TCF12: variants seen among roughly 807,000 people sequenced by gnomAD.
TCF12 encodes transcription factor 12.
A neutral mutation model predicts 86.0 loss-of-function variants in TCF12; 45 were observed. That is an observed-to-expected ratio of 0.52 (90% CI 0.41 to 0.67). TCF12 has a LOEUF of 0.67. Among genes scored for constraint, TCF12 ranks in the 30% least tolerant of loss-of-function variants. TCF12 has a pLI of 0.00. For synonymous variants in TCF12, 330 were observed against 299.6 expected, an observed-to-expected ratio of 1.10 and a Z score of -1.05; for missense variants, 881 against 859.9, an observed-to-expected ratio of 1.02 and a Z score of -0.31.
Position 57,213,526 on chromosome 15 carries a change from G to T in TCF12, c.579+15701G>T, listed in dbSNP as rs144837910. ...TAACTTAATGTATAAGTTACTTACAGCTTTGGATTGCAGATTTTTGAAATG... is the reference window on the plus strand; with the variant it reads ...TAACTTAATGTATAAGTTACTTACATCTTTGGATTGCAGATTTTTGAAATG... On this transcript the variant is annotated intron_variant, in intron 8 of 20. Transcript: ENST00000333725. Among the ~76,000 whole-genome samples, 133 of 152,300 alleles carry T rather than the reference G, an allele frequency of 8.7e-4. 1 individual carries two copies. Among genetic ancestry groups the T allele is most frequent in the African/African-American group, 3.2e-3 (132 of 41,568 alleles).
intron 8 of TCF12, among the ~76,000 whole-genome samples, chr15:57,230,381 A>G (rs2059080088): frequency 6.6e-6 from 1 of 152,072 alleles, no homozygotes; most frequent in Non-Finnish European, 1.5e-5. Context: ...TTGTTTCAAT[A>G]GTTATGAGAA....
chr15:56,945,942 C>T (rs985891051), intron 3 of TCF12, among the ~76,000 whole-genome samples: 6 of 152,182 alleles, frequency 3.9e-5, no homozygotes, highest in Admixed American at 2.0e-4. Flanking sequence ...TGCCTTTTGC[C>T]GTAGTATGAT....
chr15:57,156,413 G>A (rs1392138841), intron 5 of TCF12, among the ~76,000 whole-genome samples: 6 of 152,214 alleles, frequency 3.9e-5, no homozygotes. Context: ...ATCAGAGACA[G>A]AAATAGATCC....
chr15:57,173,896 T>TG (rs1244856906), intron 6 of TCF12, among the ~76,000 whole-genome samples: 2 of 151,950 alleles, frequency 1.3e-5, no homozygotes, highest in South Asian at 4.2e-4. Context: ...TTAGTAGAGA[T>TG]GGGGTTTCAC....
At position 57,253,375 on chromosome 15, in the gene TCF12, T is replaced by G; in HGVS notation, c.1374T>G (p.Ser458Arg). 1 of 1,614,110 alleles carries G rather than the reference T, an allele frequency of 6.2e-7. No individual in the cohort carries two copies. The highest frequency in any genetic ancestry group is 8.5e-7 in the Non-Finnish European group (1 of 1,179,990). Residue 458 changes from serine (S) to arginine (R), a missense_variant, in exon 16 of 21, where the codon AGT (serine) becomes AGG (arginine). Around this residue, in one of 3 missense-constraint regions of TCF12, gnomAD observed 766 missense variants for 718.9 expected, o/e 1.07. Transcript: ENST00000333725. ...SLPAGHSDIH[S>R]LLGPSHNAPI... ...CTGCTGGTCACAGTGATATACATAG[T>G]TTATTGGGACCATCCCATAATGCAC...
intron 3 of TCF12, among the ~76,000 whole-genome samples, chr15:57,020,858 G>T (rs1329124270): frequency 6.6e-6 from 1 of 151,840 alleles, no homozygotes; most frequent in Non-Finnish European, 1.5e-5. Context: ...AAACTGAGGG[G>T]GTATGGATTA....
At chr15:57,048,452 G>A (rs139356493) in intron 3 of TCF12, among the ~76,000 whole-genome samples, 1,601 of 152,054 alleles carry the variant, frequency 0.011, 29 homozygotes, top group African/African-American at 0.036. Flanking sequence ...TAGTAGGGGC[G>A]GGGTTTCACC....
intron 5 of TCF12, among the ~76,000 whole-genome samples, chr15:57,116,488 G>A (rs1386936442): frequency 6.6e-6 from 1 of 152,082 alleles, no homozygotes; most frequent in Non-Finnish European, 1.5e-5. Context: ...TGGGACTACA[G>A]GCACATGCCA....
At chr15:57,152,657 A>G (rs987699495) in intron 5 of TCF12, among the ~76,000 whole-genome samples, 2 of 152,208 alleles carry the variant, frequency 1.3e-5, no homozygotes, top group African/African-American at 2.4e-5. Flanking sequence ...ACTAAAACAC[A>G]AAGAGAAAAA....
At chr15:57,156,742 G>A (rs1454447667) in intron 5 of TCF12, among the ~76,000 whole-genome samples, 1 of 152,072 alleles carries the variant, frequency 6.6e-6, no homozygotes, top group Non-Finnish European at 1.5e-5. Flanking sequence ...CTGGTCCCTG[G>A]GTGCCATAAA....
rs1267612751 is a variant in TCF12 at position 57,063,782 on chromosome 15, G to C, written c.181G>C (p.Gly61Arg). ...IDERGGTTSW[G>R]TSGQPSPSYD... is the part of the protein sequence containing the mutation. Reference sequence around the variant, plus strand: ...TGAAAGAGGAGGTACAACATCTTGGGGAACAAGTGGTCAACCAAGTCCTTC... The same window carrying C: ...TGAAAGAGGAGGTACAACATCTTGGCGAACAAGTGGTCAACCAAGTCCTTC... The change falls in exon 4 of 21, where the codon GGA becomes CGA. Residue 61 changes from glycine to arginine, a missense_variant. Transcript: ENST00000333725. 1 of 1,601,694 alleles carries C rather than the reference G, an allele frequency of 6.2e-7. No individual in the cohort carries two copies. The highest frequency in any genetic ancestry group is 1.1e-5 in the South Asian group (1 of 89,636).
chr15:56,980,200 CAA>C (rs1221087148), intron 3 of TCF12, among the ~76,000 whole-genome samples: 11 of 152,166 alleles, frequency 7.2e-5, no homozygotes, highest in African/African-American at 2.4e-4. Flanking sequence ...ACCAAAAAAA[CAA>C]ATTATTTTTT....
chr15:57,043,798 C>G (rs1714577657), intron 3 of TCF12, among the ~76,000 whole-genome samples: 2 of 152,090 alleles, frequency 1.3e-5, no homozygotes, highest in Admixed American at 1.3e-4. Flanking sequence ...TTCAAGAAAA[C>G]TCATTTTTAA....
chr15:57,051,850 T>C (rs1157410288), intron 3 of TCF12, among the ~76,000 whole-genome samples: 1 of 152,254 alleles, frequency 6.6e-6, no homozygotes, highest in African/African-American at 2.4e-5. Context: ...AATTTCATTC[T>C]TTTGCATGTG....
chr15:56,933,952 A>G (rs1199059550), intron 3 of TCF12, among the ~76,000 whole-genome samples: 1 of 152,006 alleles, frequency 6.6e-6, no homozygotes, highest in Non-Finnish European at 1.5e-5. Flanking sequence ...ATATTTGTAT[A>G]TAATTCATCA....
chr15:57,052,586 G>A (rs533465417), intron 3 of TCF12, among the ~76,000 whole-genome samples: 3 of 149,346 alleles, frequency 2.0e-5, no homozygotes, highest in African/African-American at 4.9e-5. Context: ...GCAGTGAGCC[G>A]AGATTGCACC....
At chr15:56,961,128 A>C (rs1595867780) in intron 3 of TCF12, among the ~76,000 whole-genome samples, 1 of 1,306 alleles carries the variant, frequency 7.7e-4, no homozygotes, top group African/African-American at 9.0e-4. Flanking sequence ...CTCTGTCTCA[A>C]AAAAAAAAAA....
chr15:57,113,820 G>T (rs1397684846), intron 5 of TCF12, among the ~76,000 whole-genome samples: 1 of 151,726 alleles, frequency 6.6e-6, no homozygotes, highest in Non-Finnish European at 1.5e-5. Context: ...GCGGGTCGTG[G>T]TGGCATGCAC....
chr15:57,109,501 T>A (rs2050348653), intron 5 of TCF12, among the ~76,000 whole-genome samples: 1 of 152,250 alleles, frequency 6.6e-6, no homozygotes, highest in Non-Finnish European at 1.5e-5. Context: ...TGTTTATCCT[T>A]TTTCTATGAG....
Sources: allele counts gnomAD v4.1 joint callset (sites outside exome capture counted in the v4.1 genomes callset), GRCh38; gene constraint gnomAD v4.1.1; regional missense constraint gnomAD v4.1.1; transcripts MANE v1.5; gene names NCBI Gene and HGNC (gene_info 2026-07-23, HGNC 2026-07-21).